The following GRM8 variants were observed in gnomAD, a reference collection of about 807,000 sequenced individuals.
GRM8 encodes the protein metabotropic glutamate receptor 8.
In GRM8, 47 loss-of-function variants were observed where a neutral mutation model predicts 87.2. That is an observed-to-expected ratio of 0.54 (90% CI 0.43 to 0.69). GRM8 has a LOEUF of 0.69. GRM8 is among the 30% of genes least tolerant of loss of function. The pLI is 0.00. For synonymous variants in GRM8, 396 were observed against 404.5 expected (o/e 0.98, Z 0.25); for missense variants, 1,019 against 1,139.2 (o/e 0.89, Z 1.52).
intron 7 of GRM8, among the ~76,000 whole-genome samples, chr7:126,673,836 T>G (rs1463963001): frequency 6.6e-6 from 1 of 152,198 alleles, no homozygotes; most frequent in Non-Finnish European, 1.5e-5. Context: ...TAAGATACTT[T>G]CCAACTCAGC....
At chr7:126,551,173 A>G (rs1792543451) in intron 8 of GRM8, among the ~76,000 whole-genome samples, 1 of 152,096 alleles carries the variant, frequency 6.6e-6, no homozygotes, top group African/African-American at 2.4e-5. Context: ...TACCTTTAGA[A>G]GCAATGTTTT....
At position 127,209,257 on chromosome 7, in the gene GRM8, G is replaced by A. The variant is rs192517902; in HGVS notation, c.510+33438C>T. On this transcript the variant is annotated intron_variant, in intron 2 of 10. Transcript: ENST00000339582. ...ACTGGATAAGGAGCAGGGATACACA[G>A]CAGTGGCTGGAAAGAAATTACTCAA... Among the ~76,000 whole-genome samples, 280 of 152,270 alleles carry A rather than the reference G, an allele frequency of 1.8e-3. 2 individuals carry two copies. The highest frequency in any genetic ancestry group is 5.9e-3 in the Admixed American group (91 of 15,296).
intron 9 of GRM8, among the ~76,000 whole-genome samples, chr7:126,450,389 G>A (rs184590430): frequency 8.3e-4 from 126 of 151,846 alleles, no homozygotes; most frequent in African/African-American, 2.4e-3. Flanking sequence ...TTTCTGTTTT[G>A]CCCTCGATGG....
chr7:126,824,196 C>T (rs926450306), intron 6 of GRM8, among the ~76,000 whole-genome samples: 1 of 151,862 alleles, frequency 6.6e-6, no homozygotes, highest in African/African-American at 2.4e-5. Context: ...ATTGTTTATC[C>T]TTCAATTAGT....
chr7:126,697,380 G>A (rs965891711), intron 7 of GRM8, among the ~76,000 whole-genome samples: 1 of 152,102 alleles, frequency 6.6e-6, no homozygotes, highest in Non-Finnish European at 1.5e-5. Flanking sequence ...GGCTAAGACA[G>A]CAGATTTTAG....
chr7:127,216,379 A>G (rs1351859251), intron 2 of GRM8, among the ~76,000 whole-genome samples: 27 of 152,134 alleles, frequency 1.8e-4, no homozygotes, highest in Admixed American at 5.9e-4. Flanking sequence ...TTAGCCGGGC[A>G]TGGTGGCATG....
At position 126,726,951 on chromosome 7, in the gene GRM8, T is replaced by C. The variant is rs113147224; in HGVS notation, c.1357+42914A>G. 8.8e-3 allele frequency among the ~76,000 whole-genome samples: 1,342 copies of C among 152,210 alleles called. 20 individuals are homozygous for C. The highest frequency in any genetic ancestry group is 0.03 in the African/African-American group (1,250 of 41,560). ...CAAGCACTTAATATAAATTTACATA[T>C]TCTTGATATATCATTTTCCTCTTTA... On this transcript the variant is annotated intron_variant, in intron 7 of 10. Coordinates refer to ENST00000339582, the MANE Select transcript of GRM8 (RefSeq NM_000845.3).
chr7:127,122,888 A>C (rs1414342189), intron 2 of GRM8, among the ~76,000 whole-genome samples: 1 of 152,164 alleles, frequency 6.6e-6, no homozygotes, highest in African/African-American at 2.4e-5. Context: ...ATACTGGTTG[A>C]GAAACCAGCA....
rs187685507 is a variant in GRM8 at position 126,776,827 on chromosome 7, G to A, written c.1157-6762C>T. The stretch of plus-strand genomic sequence containing the variant: ...GAACTGAACAAGATGCTCTGTCAGG[G>A]CCCCTCCAGCTCTGAAATTCTGGAT... On this transcript the variant is annotated intron_variant, in intron 6 of 10. Transcript: ENST00000339582. 3.3e-5 allele frequency among the ~76,000 whole-genome samples: 5 copies of A among 152,184 alleles called. No homozygotes were observed. In the East Asian group the frequency reaches 9.7e-4, roughly 29 times the overall value.
intron 2 of GRM8, among the ~76,000 whole-genome samples, chr7:127,203,789 G>A (rs573207994): frequency 9.2e-5 from 14 of 151,642 alleles, no homozygotes; most frequent in African/African-American, 1.7e-4. Context: ...GGGGTGAGGC[G>A]GTGGGGGTGA....
chr7:127,056,456 AG>A (rs1380121977), intron 3 of GRM8, among the ~76,000 whole-genome samples: 1 of 152,142 alleles, frequency 6.6e-6, no homozygotes, highest in Non-Finnish European at 1.5e-5. Flanking sequence ...TGTACACAGA[AG>A]GGAGGTACAC....
chr7:126,898,058 C>T (rs1178865582), intron 6 of GRM8, among the ~76,000 whole-genome samples: 1 of 152,104 alleles, frequency 6.6e-6, no homozygotes, highest in Non-Finnish European at 1.5e-5. Context: ...AGATCACCGT[C>T]GCCTAATGTA....
At chr7:126,667,920 T>C (rs1016868011) in intron 7 of GRM8, among the ~76,000 whole-genome samples, 1 of 152,204 alleles carries the variant, frequency 6.6e-6, no homozygotes, top group African/African-American at 2.4e-5. Flanking sequence ...AAGAACAGAC[T>C]GCCATACTTT....
intron 7 of GRM8, among the ~76,000 whole-genome samples, chr7:126,610,491 C>T (rs76437588): frequency 0.013 from 2,002 of 152,234 alleles, 24 homozygotes; most frequent in Non-Finnish European, 0.022. Context: ...AATTTCTAAA[C>T]TGTGCTAGAG....
chr7:126,444,916 T>G (rs182286388), intron 10 of GRM8, among the ~76,000 whole-genome samples: 10 of 151,856 alleles, frequency 6.6e-5, no homozygotes, highest in Admixed American at 3.3e-4. Flanking sequence ...GAGGCTTAGG[T>G]GGGAGGATCA....
chr7:126,595,210 TTTTG>T (rs1018091758), intron 8 of GRM8, among the ~76,000 whole-genome samples: 2 of 151,652 alleles, frequency 1.3e-5, no homozygotes, highest in South Asian at 2.1e-4. Context: ...GTTTGTGGAT[TTTTG>T]TTTTTTTGGT....
At chr7:127,215,628 T>A (rs1460461393) in intron 2 of GRM8, among the ~76,000 whole-genome samples, 1 of 152,252 alleles carries the variant, frequency 6.6e-6, no homozygotes, top group Non-Finnish European at 1.5e-5. Flanking sequence ...CATTTTTGCC[T>A]CTGTAGAGAC....
At chr7:127,025,459 A>G (rs1357877726) in intron 3 of GRM8, among the ~76,000 whole-genome samples, 10 of 152,044 alleles carry the variant, frequency 6.6e-5, no homozygotes, top group Admixed American at 5.2e-4. Flanking sequence ...TTCCTTGCCA[A>G]AGTGCAGTGT....
chr7:126,903,557 T>C (rs1802313417), intron 5 of GRM8, among the ~76,000 whole-genome samples: 2 of 79,480 alleles, frequency 2.5e-5, no homozygotes, highest in East Asian at 1.0e-3. Context: ...TCCTCTTTCC[T>C]AAATACATAC....
Sources: gnomAD v4.1 joint callset for allele counts (sites outside exome capture counted in the v4.1 genomes callset) on GRCh38, gnomAD v4.1.1 for gene constraint, MANE v1.5 for transcripts, NCBI Gene and HGNC (gene_info 2026-07-23, HGNC 2026-07-21) for gene names.